GRIK1: variants seen among roughly 807,000 people sequenced by gnomAD.
GRIK1 encodes glutamate receptor ionotropic, kainate 1.
Under a neutral mutation model 105.7 loss-of-function variants are expected in GRIK1, and 69 were observed. The observed-to-expected ratio is 0.65, with a 90% CI of 0.54 to 0.80. The LOEUF is 0.80. GRIK1 is among the 30% of genes least tolerant of loss of function. The pLI, the probability that GRIK1 is intolerant of heterozygous loss-of-function variation, is 0.00. For missense variants in GRIK1, 1,109 were observed against 1,167.3 expected (o/e 0.95, Z 0.73); for synonymous variants, 438 against 431.3 (o/e 1.02, Z -0.19).
At position 29,560,519 on chromosome 21, in the gene GRIK1, C is replaced by CCTTTCTTTCTTT. The variant is rs1201508832; in HGVS notation, c.2356+1093_2356+1104dup. ...TCTTTCCTTCCTTCCTTCCTTCCTT[C>CCTTTCTTTCTTT]CTTTCTTTCTTTCTTTCTTTCTTTC... On this transcript the variant is annotated intron_variant, in intron 15 of 17. Transcript: ENST00000327783. Among the ~76,000 whole-genome samples the CCTTTCTTTCTTT allele has an allele frequency of 2.6e-3, 150 of 57,788 alleles. 6 individuals are homozygous for CCTTTCTTTCTTT. The highest frequency in any genetic ancestry group is 0.022 in the Middle Eastern group (2 of 92). The allele number at this position is 57,788 out of a possible 152,430, so 37.9% of individuals were successfully genotyped here.
chr21:29,704,924 C>T (rs1158094091), intron 1 of GRIK1, among the ~76,000 whole-genome samples: 2 of 152,180 alleles, frequency 1.3e-5, no homozygotes, highest in Non-Finnish European at 2.9e-5. Context: ...TCTTATGAAA[C>T]TCTGTGATCA....
At chr21:29,626,709 G>C (rs984157667) in intron 7 of GRIK1, among the ~76,000 whole-genome samples, 1 of 152,140 alleles carries the variant, frequency 6.6e-6, no homozygotes, top group African/African-American at 2.4e-5. Context: ...GGATGTCAAT[G>C]TTTAGCACCA....
chr21:29,672,473 C>T (rs936184254), intron 4 of GRIK1, among the ~76,000 whole-genome samples: 1 of 152,152 alleles, frequency 6.6e-6, no homozygotes, highest in African/African-American at 2.4e-5. Context: ...GAGACTAACA[C>T]ATAGCAGTTT....
chr21:29,933,402 G>A (rs1324721352), intron 1 of GRIK1, among the ~76,000 whole-genome samples: 1 of 152,176 alleles, frequency 6.6e-6, no homozygotes, highest in Non-Finnish European at 1.5e-5. Flanking sequence ...TAATAGCTAC[G>A]ATTCAAATAA....
intron 3 of GRIK1, among the ~76,000 whole-genome samples, chr21:29,681,338 G>A (rs555608663): frequency 1.3e-4 from 20 of 152,172 alleles, no homozygotes; most frequent in Non-Finnish European, 1.3e-4. Flanking sequence ...TCTTCCAATG[G>A]TTTACAAAGT....
chr21:29,830,366 CACACAT>C (rs2067598228), intron 1 of GRIK1, among the ~76,000 whole-genome samples: 1 of 139,202 alleles, frequency 7.2e-6, no homozygotes, highest in Non-Finnish European at 1.6e-5. Flanking sequence ...CACACACTCA[CACACAT>C]ATTCTTATAC....
chr21:29,861,418 A>T (rs1366621086), intron 1 of GRIK1, among the ~76,000 whole-genome samples: 2 of 152,032 alleles, frequency 1.3e-5, no homozygotes, highest in Non-Finnish European at 2.9e-5. Context: ...TGATTCTCCT[A>T]TCTCAGCCTC....
Position 29,693,929 on chromosome 21 carries a change from T to G in GRIK1, c.253A>C (p.Asn85His). ...GAGGCTTCAAAACTATCAAAAAGGT[T>G]AATTCTCTGGATGTCATAGGTTAAT... ...TTLTYDIQRI[N>H]LFDSFEASRR... Residue 85 changes from asparagine to histidine, a missense_variant, in exon 2 of 18, where the codon AAC becomes CAC. By Grantham distance (68) the Asn-to-His change is moderately conservative. Around this residue, in one of 5 missense-constraint regions of GRIK1, gnomAD observed 612 missense variants for 586.0 expected, o/e 1.04. Transcript: ENST00000327783. 1.9e-6 allele frequency: 3 copies of G among 1,613,544 alleles called. No individual in the cohort carries two copies. Among genetic ancestry groups the G allele is most frequent in the Admixed American group, 1.7e-5 (1 of 59,984 alleles).
chr21:29,739,321 G>C (rs1018657561), intron 1 of GRIK1, among the ~76,000 whole-genome samples: 1 of 152,168 alleles, frequency 6.6e-6, no homozygotes, highest in Non-Finnish European at 1.5e-5. Context: ...GAATAAGGGA[G>C]GGGGAGAGAC....
At chr21:29,588,320 C>T (rs956636492) in intron 11 of GRIK1, among the ~76,000 whole-genome samples, 3 of 152,104 alleles carry the variant, frequency 2.0e-5, no homozygotes, top group Non-Finnish European at 2.9e-5. Context: ...GGTTCTGTGT[C>T]CCCACCTAAA....
At chr21:29,904,132 A>G (rs1405054385) in intron 1 of GRIK1, among the ~76,000 whole-genome samples, 1 of 152,062 alleles carries the variant, frequency 6.6e-6, no homozygotes, top group African/African-American at 2.4e-5. Flanking sequence ...GGGGAATGGG[A>G]TGCTAGGGGA....
At chr21:29,663,389 G>T (rs1265785598) in intron 4 of GRIK1, among the ~76,000 whole-genome samples, 2 of 152,152 alleles carry the variant, frequency 1.3e-5, no homozygotes, top group African/African-American at 4.8e-5. Flanking sequence ...GGAGCCTCCT[G>T]TATAAATGCT....
At chr21:29,573,592 G>A (rs559692132) in intron 14 of GRIK1, among the ~76,000 whole-genome samples, 1 of 152,170 alleles carries the variant, frequency 6.6e-6, no homozygotes, top group East Asian at 1.9e-4. Flanking sequence ...GCTCACGCCT[G>A]TAATTCCAGC....
intron 14 of GRIK1, among the ~76,000 whole-genome samples, chr21:29,572,506 C>G (rs2090775625): frequency 6.6e-6 from 1 of 152,094 alleles, no homozygotes; most frequent in Non-Finnish European, 1.5e-5. Context: ...CCAGAGTTTA[C>G]TTTTTCACTT....
At chr21:29,903,787 G>A (rs1305993530) in intron 1 of GRIK1, among the ~76,000 whole-genome samples, 2 of 152,016 alleles carry the variant, frequency 1.3e-5, no homozygotes, top group Non-Finnish European at 2.9e-5. Context: ...TATACCCAAA[G>A]GATTATAAAT....
chr21:29,900,326 A>G (rs769108691), intron 1 of GRIK1, among the ~76,000 whole-genome samples: 12 of 152,034 alleles, frequency 7.9e-5, no homozygotes, highest in Non-Finnish European at 1.6e-4. Flanking sequence ...CAATTAAAAG[A>G]CACAGACTGG....
rs181144865 is a variant in GRIK1 at position 29,925,719 on chromosome 21, A to G, written c.118+13664T>C. ...TTGTCTTTTTAAGTAGCATATCAATAATACATTCCACCTCACTTTTTGCAT... is the reference window on the plus strand; with the variant it reads ...TTGTCTTTTTAAGTAGCATATCAATGATACATTCCACCTCACTTTTTGCAT... On this transcript the variant is annotated intron_variant, in intron 1 of 17. Transcript: ENST00000327783. 1.1e-3 allele frequency among the ~76,000 whole-genome samples: 164 copies of G among 152,316 alleles called. 1 individual carries two copies. Among genetic ancestry groups the G allele is most frequent in the African/African-American group, 3.8e-3 (160 of 41,584 alleles).
intron 1 of GRIK1, among the ~76,000 whole-genome samples, chr21:29,877,309 T>G (rs376121235): frequency 6.6e-6 from 1 of 152,160 alleles, no homozygotes; most frequent in East Asian, 1.9e-4. Context: ...ATCATTTATA[T>G]AAATCTATTG....
chr21:29,810,389 C>G (rs1247882786), intron 1 of GRIK1, among the ~76,000 whole-genome samples: 2 of 149,864 alleles, frequency 1.3e-5, no homozygotes, highest in Non-Finnish European at 3.0e-5. Flanking sequence ...TACAGAGATA[C>G]AAAGTGAGCA....
Sources: gnomAD v4.1 joint callset for allele counts (sites outside exome capture counted in the v4.1 genomes callset) on GRCh38, gnomAD v4.1.1 for gene constraint, gnomAD v4.1.1 regional missense constraint, MANE v1.5 for transcripts, NCBI Gene and HGNC (gene_info 2026-07-23, HGNC 2026-07-21) for gene names.